The following RTF2 variants were observed in gnomAD, a reference collection of about 807,000 sequenced individuals.
RTF2 encodes replication termination factor 2, also known as UPF0549 protein C20orf43.
A neutral mutation model predicts 38.0 loss-of-function variants in RTF2; 18 were observed. The ratio of observed to expected loss-of-function variants is 0.47; its 90% confidence interval spans 0.33 to 0.70. RTF2 has a LOEUF of 0.70. Ranked by LOEUF, RTF2 falls within the 30% of genes least tolerant of loss-of-function variation. RTF2 has a pLI of 0.02. For synonymous variants in RTF2, 126 were observed against 137.1 expected, an observed-to-expected ratio of 0.92 and a Z score of 0.57; for missense variants, 311 against 379.6, an observed-to-expected ratio of 0.82 and a Z score of 1.50.
At chr20:56,470,599 G>A (rs1009778546) in intron 1 of RTF2, 3 of 455,868 alleles carry the variant, frequency 6.6e-6, no homozygotes, top group Non-Finnish European at 1.3e-5. Context: ...GTTCTAATAA[G>A]GCAATTATTG....
At position 56,484,185 on chromosome 20, in the gene RTF2, A is replaced by G; in HGVS notation, c.473A>G (p.His158Arg). ...AAAGAGATAAAAGCGGAAGTTTGCCACACGGTGAGTTCCTGACATGTACCA... is the reference window on the plus strand; with the variant it reads ...AAAGAGATAAAAGCGGAAGTTTGCCGCACGGTGAGTTCCTGACATGTACCA... ...ALKEIKAEVC[H>R]TCGAAFQEDD... Residue 158 changes from histidine (H) to arginine (R), a missense_variant, in exon 5 of 9, where the codon CAC becomes CGC. Transcript: ENST00000357348. 6.2e-7 allele frequency: 1 copy of G among 1,613,356 alleles called. No individual in the cohort carries two copies. The highest frequency in any genetic ancestry group is 1.1e-5 in the South Asian group (1 of 91,054).
Position 56,513,357 on chromosome 20 carries a change from G to T in RTF2, c.520G>T (p.Gly174Cys). The change falls in exon 6 of 9, where the codon GGC (glycine) becomes TGC (cysteine). Residue 174 changes from glycine (G) to cysteine (C), a missense_variant. Coordinates refer to ENST00000357348, the MANE Select transcript of RTF2 (RefSeq NM_016407.5). ...GGAGGATGATGTCATCATGCTCAATGGCACCAAGGAGGATGTGGACGTGCT... is the reference window on the plus strand; with the variant it reads ...GGAGGATGATGTCATCATGCTCAATTGCACCAAGGAGGATGTGGACGTGCT... ...FQEDDVIMLN[G>C]TKEDVDVLKT... 6.2e-7 allele frequency: 1 copy of T among 1,608,864 alleles called. No individual in the cohort carries two copies. The highest frequency in any genetic ancestry group is 1.7e-5 in the Admixed American group (1 of 59,188).
chr20:56,506,703 T>C (rs555547791), intron 5 of RTF2, among the ~76,000 whole-genome samples: 1 of 152,288 alleles, frequency 6.6e-6, no homozygotes, highest in Admixed American at 6.5e-5. Context: ...GAATGTATTA[T>C]AATTTTTTTT....
At chr20:56,497,607 A>C (rs1983639629) in intron 5 of RTF2, 1 of 1,306,386 alleles carries the variant, frequency 7.7e-7, no homozygotes, top group Non-Finnish European at 1.0e-6. Flanking sequence ...AAGCTGGCTC[A>C]TATCTTGAGC....
chr20:56,491,678 AGCG>A, intron 5 of RTF2: 1 of 1,552,282 alleles, frequency 6.4e-7, no homozygotes, highest in Non-Finnish European at 8.7e-7. Flanking sequence ...GGTAACCACA[AGCG>A]GGTCTGTCGA....
chr20:56,502,742 A>G (rs1386704306), intron 5 of RTF2, among the ~76,000 whole-genome samples: 1 of 152,218 alleles, frequency 6.6e-6, no homozygotes, highest in Non-Finnish European at 1.5e-5. Context: ...TTTAGCACCC[A>G]AAGTTTCTGA....
intron 5 of RTF2, among the ~76,000 whole-genome samples, chr20:56,512,537 G>A (rs1984740237): frequency 6.6e-6 from 1 of 152,156 alleles, no homozygotes. Context: ...TGCCTTTGGT[G>A]TGTATGTGTG....
chr20:56,470,575 C>T (rs748883698), intron 1 of RTF2: 7 of 455,740 alleles, frequency 1.5e-5, no homozygotes, highest in Non-Finnish European at 2.2e-5. Context: ...TCCTGGGTGA[C>T]GGGATCATCT....
intron 5 of RTF2, among the ~76,000 whole-genome samples, chr20:56,502,592 T>C: frequency 6.6e-6 from 1 of 152,344 alleles, no homozygotes; most frequent in East Asian, 1.9e-4. Flanking sequence ...TTTATATGTA[T>C]ATATTTTAAA....
intron 1 of RTF2, among the ~76,000 whole-genome samples, chr20:56,469,959 T>G (rs1276232342): frequency 6.6e-6 from 1 of 152,246 alleles, no homozygotes; most frequent in East Asian, 1.9e-4. Flanking sequence ...GTAACTGAAA[T>G]GTGCCTCACT....
At chr20:56,477,434 G>A (rs1304578538) in intron 4 of RTF2, among the ~76,000 whole-genome samples, 4 of 152,194 alleles carry the variant, frequency 2.6e-5, no homozygotes, top group African/African-American at 9.7e-5. Flanking sequence ...TTAGTTCTTA[G>A]ATCATCTTTT....
chr20:56,505,487 C>CATAACAATAATAATA (rs1984204529), intron 5 of RTF2, among the ~76,000 whole-genome samples: 1 of 139,652 alleles, frequency 7.2e-6, no homozygotes, highest in East Asian at 2.1e-4. Flanking sequence ...GATGCCATCT[C>CATAACAATAATAATA]ATAATAATAA....
chr20:56,476,533 CT>C (rs1982253866), intron 3 of RTF2, among the ~76,000 whole-genome samples: 1 of 139,286 alleles, frequency 7.2e-6, no homozygotes, highest in Admixed American at 7.5e-5. Context: ...GAGTTTTGCT[CT>C]TGTTGTCCAG....
chr20:56,518,148 C>G lies in RTF2; in HGVS notation c.804C>G (p.Ser268=), dbSNP rs1169622534. ...GKPPCGATKR[S]IADSEESEAY... ...CTCCGTGTGGAGCCACAAAGAGGTC[C>G]ATCGCTGACAGTGAAGAATCGGAGG... The change falls in exon 9 of 9, where the codon TCC becomes TCG. Residue 268 remains serine, a synonymous_variant. Coordinates refer to ENST00000357348, the MANE Select transcript of RTF2 (RefSeq NM_016407.5). 1 of 1,614,148 alleles carries G rather than the reference C, an allele frequency of 6.2e-7. No homozygotes were observed. Among genetic ancestry groups the G allele is most frequent in the Non-Finnish European group, 8.5e-7 (1 of 1,180,012 alleles).
intron 5 of RTF2, among the ~76,000 whole-genome samples, chr20:56,487,967 A>G (rs1237772877): frequency 6.6e-6 from 1 of 152,204 alleles, no homozygotes; most frequent in Non-Finnish European, 1.5e-5. Context: ...TGTGTTTCCC[A>G]ATAAGGTCAC....
At chr20:56,512,055 G>A (rs1290002922) in intron 5 of RTF2, among the ~76,000 whole-genome samples, 1 of 152,088 alleles carries the variant, frequency 6.6e-6, no homozygotes, top group Non-Finnish European at 1.5e-5. Context: ...TATTGGTCAG[G>A]CTGGTCTCGA....
intron 5 of RTF2, among the ~76,000 whole-genome samples, chr20:56,484,655 G>A (rs143700986): frequency 3.2e-4 from 48 of 152,312 alleles, no homozygotes; most frequent in African/African-American, 5.5e-4. Flanking sequence ...CTCTTTATCC[G>A]CAGGGCATAT....
rs182128406 is a variant in RTF2 at position 56,514,496 on chromosome 20, G to A, written c.591+1068G>A. On this transcript the variant is annotated intron_variant, in intron 6 of 8. Transcript: ENST00000357348. ...TATGAAACAAATCGCCTGCCCTCGC[G>A]TGGGTGTGCATTTTACCAGTGCCAG... Among the ~76,000 whole-genome samples, 24 of 152,274 alleles carry A rather than the reference G, an allele frequency of 1.6e-4. No homozygotes were observed. The East Asian group carries it at 1.9e-3, about 12-fold the overall frequency.
intron 3 of RTF2, among the ~76,000 whole-genome samples, chr20:56,476,652 A>T (rs1299425864): frequency 6.6e-6 from 1 of 152,030 alleles, no homozygotes; most frequent in Non-Finnish European, 1.5e-5. Context: ...GGCATGTTCC[A>T]CCACACCCAG....
Sources: gnomAD v4.1 joint callset for allele counts (sites outside exome capture counted in the v4.1 genomes callset) on GRCh38, gnomAD v4.1.1 for gene constraint, MANE v1.5 for transcripts, NCBI Gene and HGNC (gene_info 2026-07-23, HGNC 2026-07-21) for gene names.